The following MRPS6 variants were observed in gnomAD, a reference collection of about 807,000 sequenced individuals.
MRPS6 encodes the protein mitochondrial ribosomal protein S6.
A neutral mutation model predicts 13.1 loss-of-function variants in MRPS6; 6 were observed. The ratio of observed to expected loss-of-function variants is 0.46; its 90% CI spans 0.25 to 0.91. MRPS6 has a LOEUF of 0.91. Among genes scored for constraint, MRPS6 ranks in the 40% least tolerant of loss-of-function variants. The probability of loss-of-function intolerance (pLI) is 0.18; values close to 1 mark genes in which losing one functional copy is unlikely to be tolerated. For synonymous variants in MRPS6, 61 were observed against 56.5 expected, an observed-to-expected ratio of 1.08 and a Z score of -0.36; for missense variants, 164 against 155.6, an observed-to-expected ratio of 1.05 and a Z score of -0.29.
At chr21:34,105,537 C>T (rs771003551) in intron 1 of MRPS6, 11 of 999,234 alleles carry the variant, frequency 1.1e-5, no homozygotes, top group East Asian at 1.1e-4. Context: ...ACATGTTCTT[C>T]CCAGTGTCCT....
chr21:34,111,673 T>G (rs1191406092), intron 1 of MRPS6, among the ~76,000 whole-genome samples: 1 of 152,192 alleles, frequency 6.6e-6, no homozygotes, highest in African/African-American at 2.4e-5. Flanking sequence ...GGAGAGACAC[T>G]GCTAATAATG....
rs547850028 is a variant in MRPS6, at chr21:34,081,842, A to G, written c.45+8097A>G. ...TAATGAAGAAACTCTAAAAGATAAA[A>G]CTTATTATATCTAAGTTTATTTCAT... On this transcript the variant is annotated intron_variant, in intron 1 of 2. Transcript: ENST00000399312. Among the ~76,000 whole-genome samples, 10 of 152,276 alleles carry G rather than the reference A, an allele frequency of 6.6e-5. No homozygotes were observed. In the East Asian group the frequency reaches 1.2e-3, roughly 18 times the overall value.
chr21:34,111,096 C>T (rs1270526038), intron 1 of MRPS6, among the ~76,000 whole-genome samples: 3 of 152,210 alleles, frequency 2.0e-5, no homozygotes, highest in Non-Finnish European at 4.4e-5. Context: ...TCTGCCTCAG[C>T]TGGGAATGTG....
intron 1 of MRPS6, among the ~76,000 whole-genome samples, chr21:34,077,583 A>C (rs186482166): frequency 1.3e-5 from 2 of 152,316 alleles, no homozygotes; most frequent in Middle Eastern, 3.4e-3. Context: ...ATATATATAT[A>C]TCTTCATATG....
At chr21:34,121,694 G>A (rs1980126662) in intron 1 of MRPS6, among the ~76,000 whole-genome samples, 1 of 152,134 alleles carries the variant, frequency 6.6e-6, no homozygotes, top group Admixed American at 6.5e-5. Flanking sequence ...TTATAAATGA[G>A]AATTATGGCA....
At chr21:34,127,528 T>G (rs771384381) in intron 2 of MRPS6, among the ~76,000 whole-genome samples, 1 of 152,210 alleles carries the variant, frequency 6.6e-6, no homozygotes, top group Non-Finnish European at 1.5e-5. Flanking sequence ...TTATGCTACA[T>G]TTTATTTCTA....
intron 1 of MRPS6, chr21:34,106,139 A>G (rs1466767659): frequency 3.0e-6 from 3 of 995,458 alleles, no homozygotes; most frequent in Non-Finnish European, 3.6e-6. Context: ...ACTTAAGATG[A>G]ACTACATTTC....
At chr21:34,097,728 T>C in intron 1 of MRPS6, 4 of 1,007,980 alleles carry the variant, frequency 4.0e-6, no homozygotes, top group Non-Finnish European at 4.8e-6. Flanking sequence ...AGTAGAAGAT[T>C]TGCTCATTTC....
Position 34,096,258 on chromosome 21 carries a change from C to A in MRPS6, c.45+22513C>A. 2 of 1,614,126 alleles carry A rather than the reference C, an allele frequency of 1.2e-6. No individual in the cohort carries two copies. The highest frequency in any genetic ancestry group is 1.7e-6 in the Non-Finnish European group (2 of 1,180,002). On this transcript the variant is annotated intron_variant, in intron 1 of 2. Coordinates refer to ENST00000399312, the MANE Select transcript of MRPS6 (RefSeq NM_032476.4). The surrounding 1 kb of genome is among the most constrained non-coding windows in gnomAD (Gnocchi z 5.9). ...TTGCTCCAATATTGCTTACCCACGC[C>A]TGGTGATGAAGCTGGTTCCTGTGGG...
At chr21:34,104,960 C>T (rs1979410738) in intron 1 of MRPS6, 1 of 999,326 alleles carries the variant, frequency 1.0e-6, no homozygotes, top group South Asian at 4.7e-5. Context: ...AAAAGTAGTC[C>T]TAGCAGTGTA....
chr21:34,104,416 C>T (rs2148662646), intron 1 of MRPS6: 1 of 1,000,112 alleles, frequency 1.0e-6, no homozygotes, highest in Admixed American at 6.1e-5. Context: ...GAATGAATGT[C>T]TTTGTCTTAA....
At chr21:34,083,373 C>T (rs962528976) in intron 1 of MRPS6, among the ~76,000 whole-genome samples, 5 of 152,116 alleles carry the variant, frequency 3.3e-5, no homozygotes, top group Non-Finnish European at 1.5e-5. Flanking sequence ...TCAGATGCCC[C>T]GTGTATGAAT....
chr21:34,101,537 T>TA, intron 1 of MRPS6: 2 of 1,000,188 alleles, frequency 2.0e-6, no homozygotes, highest in Non-Finnish European at 2.4e-6. Context: ...TATGCCCACT[T>TA]ACCATTCAGA....
intron 1 of MRPS6, among the ~76,000 whole-genome samples, chr21:34,092,255 A>G (rs1369182378): frequency 6.6e-6 from 1 of 152,192 alleles, no homozygotes; most frequent in Non-Finnish European, 1.5e-5. Context: ...GCATTATAGT[A>G]TTTTATATAT....
chr21:34,117,403 TTAGTAG>T (rs1175447361), intron 1 of MRPS6, among the ~76,000 whole-genome samples: 1 of 152,182 alleles, frequency 6.6e-6, no homozygotes, highest in Admixed American at 6.6e-5. Context: ...AACCAACCAG[TTAGTAG>T]TAGTAATTCC....
intron 2 of MRPS6, among the ~76,000 whole-genome samples, chr21:34,132,310 G>A (rs776558900): frequency 4.6e-5 from 7 of 152,194 alleles, no homozygotes; most frequent in East Asian, 3.8e-4. Flanking sequence ...AAACTTCCAC[G>A]GTGTAATAGG....
intron 1 of MRPS6, among the ~76,000 whole-genome samples, chr21:34,082,595 T>C (rs1010633529): frequency 3.9e-5 from 6 of 152,118 alleles, no homozygotes; most frequent in Non-Finnish European, 8.8e-5. Flanking sequence ...CCCTGGAAAA[T>C]AGTATTACCA....
intron 1 of MRPS6, among the ~76,000 whole-genome samples, chr21:34,091,904 TCATAACTA>T (rs929200666): frequency 6.5e-5 from 9 of 139,218 alleles, no homozygotes; most frequent in African/African-American, 2.4e-4. Context: ...TACATGCTTT[TCATAACTA>T]TACCTATTTT....
chr21:34,096,072 A>T lies in MRPS6; in HGVS notation c.45+22327A>T. The T allele has an allele frequency of 1.2e-6, 2 of 1,614,060 alleles. No individual in the cohort carries two copies. Among genetic ancestry groups the T allele is most frequent in the South Asian group, 1.1e-5 (1 of 91,074 alleles). On this transcript the variant is annotated intron_variant, in intron 1 of 2. Transcript: ENST00000399312. The surrounding 1 kb of genome is among the most constrained non-coding windows in gnomAD (Gnocchi z 5.9). The stretch of plus-strand genomic sequence containing the variant: ...GCAGAGGGTCCTTGCAGCCAAAAAC[A>T]TTGCTCATGCCAAAGGCTCTACTCT...
Sources: gnomAD v4.1 joint callset for allele counts (sites outside exome capture counted in the v4.1 genomes callset) on GRCh38, gnomAD v4.1.1 for gene constraint, Gnocchi (gnomAD v3.1) non-coding constraint, MANE v1.5 for transcripts, NCBI Gene and HGNC (gene_info 2026-07-23, HGNC 2026-07-21) for gene names.